The following LRBA variants were observed in gnomAD, a reference collection of about 807,000 sequenced individuals.
The protein encoded by LRBA is LPS responsive beige-like anchor protein.
Under a neutral mutation model 330.0 loss-of-function variants are expected in LRBA, and 176 were observed. The ratio of observed to expected loss-of-function variants is 0.53; its 90% CI spans 0.47 to 0.60. The LOEUF (loss-of-function observed/expected upper bound fraction) is 0.60. Among genes scored for constraint, LRBA ranks in the 20% least tolerant of loss-of-function variants. The probability of loss-of-function intolerance (pLI) is 0.00; values close to 1 mark genes in which losing one functional copy is unlikely to be tolerated. For missense variants in LRBA, 3,259 were observed against 3,444.8 expected (o/e 0.95, Z 1.35); for synonymous variants, 1,230 against 1,193.0 (o/e 1.03, Z -0.64).
intron 28 of LRBA, among the ~76,000 whole-genome samples, chr4:150,834,010 C>G (rs1024579413): frequency 2.0e-5 from 3 of 152,176 alleles, no homozygotes; most frequent in Admixed American, 2.0e-4. Context: ...GGAAGCAACT[C>G]TTCATTCGTT....
intron 19 of LRBA, 41 bp from the exon 20 acceptor site, chr4:150,870,647 G>T: frequency 1.1e-6 from 1 of 909,974 alleles, no homozygotes; most frequent in Non-Finnish European, 1.8e-6. Context: ...CAAATCACTG[G>T]ATTAGCATCA....
At chr4:150,673,110 C>A (rs1028443582) in intron 37 of LRBA, among the ~76,000 whole-genome samples, 2 of 152,166 alleles carry the variant, frequency 1.3e-5, no homozygotes, top group Admixed American at 6.5e-5. Context: ...TCCACAATAA[C>A]TTGCTCATCC....
intron 47 of LRBA, among the ~76,000 whole-genome samples, chr4:150,401,125 C>T (rs1399681852): frequency 2.0e-5 from 3 of 152,124 alleles, no homozygotes; most frequent in African/African-American, 7.2e-5. Context: ...TTGTGAAGAC[C>T]GAGGTTACAC....
chr4:150,761,072 C>T (rs1279001970), intron 35 of LRBA, among the ~76,000 whole-genome samples: 14 of 151,990 alleles, frequency 9.2e-5, no homozygotes, highest in Admixed American at 7.9e-4. Flanking sequence ...AATACTATCT[C>T]GAAGGGGAGT....
intron 2 of LRBA, among the ~76,000 whole-genome samples, chr4:150,994,620 A>G (rs1482119146): frequency 6.6e-6 from 1 of 152,214 alleles, no homozygotes; most frequent in Non-Finnish European, 1.5e-5. Flanking sequence ...AGAGATAAAG[A>G]GTAACAAGGA....
intron 40 of LRBA, among the ~76,000 whole-genome samples, chr4:150,517,540 A>G (rs1221917055): frequency 6.6e-6 from 1 of 152,048 alleles, no homozygotes; most frequent in African/African-American, 2.4e-5. Flanking sequence ...AATAAATAGA[A>G]GGTGTTCTGG....
Position 150,405,645 on chromosome 4 carries a change from AAT to A in LRBA, c.7194+9791_7194+9792del, listed in dbSNP as rs748759608. On this transcript the variant is annotated intron_variant, in intron 47 of 56. Transcript: ENST00000651943. The stretch of plus-strand genomic sequence containing the variant: ...GCATAGTAGGCTTATATATAAATGT[AAT>A]ATATATATATAAATAATAGCACAAA... 6.6e-5 allele frequency among the ~76,000 whole-genome samples: 10 copies of A among 151,610 alleles called. No homozygotes were observed. The East Asian group carries it at 1.2e-3, about 18-fold the overall frequency.
Position 150,617,425 on chromosome 4 carries a change from TG to T in LRBA, c.5922-18295del, listed in dbSNP as rs541105783. Among the ~76,000 whole-genome samples the T allele has an allele frequency of 1.6e-4, 24 of 152,296 alleles. No individual in the cohort carries two copies. In the East Asian group the frequency reaches 4.3e-3, roughly 27 times the overall value. ...GGGAGGCCAAGGTGGGCAGATCACC[TG>T]AGGTCAGGAGTTTGGGACCAGGCTG... On this transcript the variant is annotated intron_variant, in intron 37 of 56. Transcript: ENST00000651943.
chr4:150,592,818 A>C (rs1773058349), intron 38 of LRBA, among the ~76,000 whole-genome samples: 4 of 152,034 alleles, frequency 2.6e-5, no homozygotes, highest in South Asian at 2.1e-4. Context: ...CTTTTTGTAG[A>C]GATGAGGTCT....
At chr4:150,454,218 C>G (rs1753765438) in intron 44 of LRBA, among the ~76,000 whole-genome samples, 1 of 152,118 alleles carries the variant, frequency 6.6e-6, no homozygotes, top group African/African-American at 2.4e-5. Context: ...CTTGGCCTCC[C>G]AAAGTGCTGG....
rs542858547 is a variant in LRBA, at chr4:150,264,446, C to A, written c.*1276G>T. The A allele has an allele frequency of 7.0e-6, 1 of 142,322 alleles. No individual in the cohort carries two copies. The highest frequency in any genetic ancestry group is 2.0e-4 in the East Asian group (1 of 5,004). The allele number at this position is 142,322 out of a possible 1,614,324, so 8.8% of individuals were successfully genotyped here. A position where few individuals can be genotyped will look rare whatever the true frequency, so the allele number is the denominator to read the frequency against. On this transcript the variant is annotated 3_prime_UTR_variant, in exon 57 of 57. Transcript: ENST00000651943. ...GGACTGAATCAGAGTTTGACATTTTCTTTCTTTGTGAATCATTATTTTATT... is the reference window on the plus strand; with the variant it reads ...GGACTGAATCAGAGTTTGACATTTTATTTCTTTGTGAATCATTATTTTATT...
intron 56 of LRBA, among the ~76,000 whole-genome samples, chr4:150,270,923 C>T (rs962409822): frequency 5.9e-5 from 9 of 152,196 alleles, no homozygotes; most frequent in Non-Finnish European, 8.8e-5. Flanking sequence ...GGCTGGCAAT[C>T]GCCGAATAGG....
At chr4:150,653,584 G>T (rs1369848517) in intron 37 of LRBA, among the ~76,000 whole-genome samples, 1 of 152,172 alleles carries the variant, frequency 6.6e-6, no homozygotes, top group Non-Finnish European at 1.5e-5. Context: ...CAATCTAGGT[G>T]TGAGAGGGCC....
At chr4:150,373,172 T>TGTGAGA (rs1283762385) in intron 47 of LRBA, among the ~76,000 whole-genome samples, 31 of 97,500 alleles carry the variant, frequency 3.2e-4, no homozygotes, top group African/African-American at 5.3e-4. Flanking sequence ...TGTGTGTGTG[T>TGTGAGA]GAGAGAGAGA....
In LRBA at chr4:150,265,009, T is replaced by C. The variant is rs912168279; in HGVS notation, c.*713A>G. 6.6e-6 allele frequency: 1 copy of C among 152,666 alleles called. No individual in the cohort carries two copies. The highest frequency in any genetic ancestry group is 1.5e-5 in the Non-Finnish European group (1 of 68,068). The allele number at this position is 152,666 out of a possible 1,614,324, so 9.5% of individuals were successfully genotyped here. On this transcript the variant is annotated 3_prime_UTR_variant, in exon 57 of 57. Transcript: ENST00000651943. ...ATTTACTTTAAAAGAAAAACAAATG[T>C]TGTGAGCTCAAGAGCATTTCCATCA...
intron 40 of LRBA, among the ~76,000 whole-genome samples, chr4:150,532,351 T>C (rs138774080): frequency 2.6e-5 from 4 of 152,326 alleles, no homozygotes; most frequent in Non-Finnish European, 5.9e-5. Flanking sequence ...CAGGAGAATT[T>C]GTGTTATATT....
intron 2 of LRBA, among the ~76,000 whole-genome samples, chr4:150,952,321 C>T (rs925967307): frequency 1.3e-5 from 2 of 152,042 alleles, no homozygotes; most frequent in East Asian, 3.9e-4. Flanking sequence ...AAGACAGATG[C>T]TGATACATAT....
At chr4:150,845,912 TCA>T (rs1427287650) in intron 26 of LRBA, among the ~76,000 whole-genome samples, 1 of 152,202 alleles carries the variant, frequency 6.6e-6, no homozygotes, top group African/African-American at 2.4e-5. Flanking sequence ...AAGTTAAAAA[TCA>T]CACCTCATTT....
chr4:150,405,411 T>G (rs1486252305), intron 47 of LRBA, among the ~76,000 whole-genome samples: 1 of 152,212 alleles, frequency 6.6e-6, no homozygotes, highest in East Asian at 1.9e-4. Context: ...CACTGGTATT[T>G]GAAAGTGTAA....
Sources: allele counts gnomAD v4.1 joint callset (sites outside exome capture counted in the v4.1 genomes callset), GRCh38; gene constraint gnomAD v4.1.1; transcripts MANE v1.5; gene names NCBI Gene and HGNC (gene_info 2026-07-23, HGNC 2026-07-21).